The following MYOM1 variants were observed in gnomAD, a reference collection of about 807,000 sequenced individuals.
MYOM1 encodes the protein myomesin-1.
MYOM1 carries 164 observed loss-of-function variants against 205.3 expected under a neutral mutation model. That is an observed-to-expected ratio of 0.80 (90% CI 0.70 to 0.91). The LOEUF (loss-of-function observed/expected upper bound fraction) is 0.91, where lower values mean the gene tolerates loss of function less well. Ranked by LOEUF, MYOM1 falls within the 40% of genes least tolerant of loss-of-function variation. MYOM1 has a pLI of 0.00. For synonymous variants in MYOM1, 772 were observed against 789.4 expected, an observed-to-expected ratio of 0.98 and a Z score of 0.37; for missense variants, 2,011 against 2,127.3, an observed-to-expected ratio of 0.95 and a Z score of 1.08.
the MYOM1 span, chr18:3,246,922 G>A: frequency 3.3e-5 from 5 of 152,164 alleles, no homozygotes; most frequent in African/African-American, 9.7e-5. Flanking sequence ...TTTTTAATAA[G>A]ATTCATCGTT....
intron 12 of MYOM1, among the ~76,000 whole-genome samples, chr18:3,149,495 T>A (rs1194278190): frequency 6.6e-6 from 1 of 152,212 alleles, no homozygotes; most frequent in Admixed American, 6.5e-5. Context: ...CATGTAACTG[T>A]TCAATATGAA....
At chr18:3,201,652 T>C (rs1458527373) in intron 2 of MYOM1, among the ~76,000 whole-genome samples, 1 of 141,964 alleles carries the variant, frequency 7.0e-6, no homozygotes, top group Non-Finnish European at 1.5e-5. Context: ...TATTAAATTC[T>C]TTTTTTTTTT....
At chr18:3,238,849 T>G in the MYOM1 span, among the ~76,000 whole-genome samples, 1 of 151,994 alleles carries the variant, frequency 6.6e-6, no homozygotes, top group Non-Finnish European at 1.5e-5. Flanking sequence ...TCTTCCATCT[T>G]TAAGGCCAGC....
intron 13 of MYOM1, among the ~76,000 whole-genome samples, chr18:3,143,414 T>C (rs2143949559): frequency 6.6e-6 from 1 of 152,306 alleles, no homozygotes; most frequent in South Asian, 2.1e-4. Flanking sequence ...GAAATCTGGA[T>C]TTAAACAAAT....
intron 10 of MYOM1, among the ~76,000 whole-genome samples, chr18:3,163,403 A>T (rs1368298356): frequency 1.3e-5 from 2 of 152,090 alleles, no homozygotes; most frequent in Non-Finnish European, 2.9e-5. Flanking sequence ...GAAAATGGTG[A>T]CTTTTGAGTT....
intron 18 of MYOM1, among the ~76,000 whole-genome samples, chr18:3,127,768 GAC>G (rs1485092084): frequency 1.3e-5 from 2 of 152,258 alleles, no homozygotes; most frequent in African/African-American, 2.4e-5. Context: ...TTAAAAAACA[GAC>G]ACAATCTGCT....
intron 25 of MYOM1, 62 bp from the exon 26 acceptor site, chr18:3,094,368 T>A: frequency 7.4e-7 from 1 of 1,353,608 alleles, no homozygotes; most frequent in South Asian, 1.5e-5. Flanking sequence ...GGTACTCATT[T>A]TCCATCAAGT....
Position 3,139,756 on chromosome 18 carries a change from G to A in MYOM1, c.2025+2183C>T, listed in dbSNP as rs111479824. ...CCTACATAGTACTGTGTTCATAAACGTCCCCTTCTGTTCCATGCCAATAGG... is the reference window on the plus strand; with the variant it reads ...CCTACATAGTACTGTGTTCATAAACATCCCCTTCTGTTCCATGCCAATAGG... On this transcript the variant is annotated intron_variant, in intron 14 of 37. Transcript: ENST00000356443. Among the ~76,000 whole-genome samples, 1,016 of 152,218 alleles carry A rather than the reference G, an allele frequency of 6.7e-3. 7 individuals are homozygous for A. The highest frequency in any genetic ancestry group is 0.01 in the South Asian group (49 of 4,828).
At chr18:3,217,994 G>A (rs1325473579) in intron 1 of MYOM1, among the ~76,000 whole-genome samples, 1 of 152,090 alleles carries the variant, frequency 6.6e-6, no homozygotes, top group Non-Finnish European at 1.5e-5. Context: ...GCTCTATAAG[G>A]AACATGCAGG....
chr18:3,222,713 GCACATACA>G (rs764463249), upstream of MYOM1, among the ~76,000 whole-genome samples: 7 of 151,860 alleles, frequency 4.6e-5, no homozygotes, highest in Non-Finnish European at 8.8e-5. Flanking sequence ...GTGTACGTGT[GCACATACA>G]CACATACACA....
At chr18:3,132,121 TATATATATATATATGAGTTATACTCTAAA>T (rs1019769388) in intron 16 of MYOM1, among the ~76,000 whole-genome samples, 5 of 146,140 alleles carry the variant, frequency 3.4e-5, no homozygotes, top group Non-Finnish European at 7.5e-5. Flanking sequence ...TGTGTGTGTA[TATATATATATATATGAGTTATACTCTAAA>T]ATATATATAT....
upstream of MYOM1, among the ~76,000 whole-genome samples, chr18:3,224,704 G>A (rs1267261820): frequency 4.6e-5 from 7 of 151,924 alleles, no homozygotes; most frequent in South Asian, 2.1e-4. Flanking sequence ...TCACTCTGTC[G>A]CCCAGGCTGG....
chr18:3,173,367 A>G (rs2080587798), intron 8 of MYOM1, among the ~76,000 whole-genome samples: 1 of 152,130 alleles, frequency 6.6e-6, no homozygotes, highest in South Asian at 2.1e-4. Context: ...TGGCTCATGG[A>G]CCAGTGAGAG....
chr18:3,090,472 G>A (rs1250917397), intron 27 of MYOM1, among the ~76,000 whole-genome samples, 186 bp downstream of exon 27: 2 of 151,966 alleles, frequency 1.3e-5, no homozygotes, highest in South Asian at 2.1e-4. Flanking sequence ...CACCCGCCTC[G>A]GCCTCTCAAA....
intron 20 of MYOM1, among the ~76,000 whole-genome samples, chr18:3,118,287 GC>G (rs2079634641): frequency 6.6e-6 from 1 of 152,112 alleles, no homozygotes; most frequent in Admixed American, 6.6e-5. Context: ...GTGGAGGGCT[GC>G]CCCCTCCATT....
At chr18:3,079,580 T>C (rs1205030899) in intron 33 of MYOM1, among the ~76,000 whole-genome samples, 1 of 152,042 alleles carries the variant, frequency 6.6e-6, no homozygotes, top group Non-Finnish European at 1.5e-5. Context: ...CATAGCAGTC[T>C]GAGGCCCAGT....
At chr18:3,160,743 C>T (rs2144034896) in intron 10 of MYOM1, among the ~76,000 whole-genome samples, 1 of 152,280 alleles carries the variant, frequency 6.6e-6, no homozygotes, top group African/African-American at 2.4e-5. Context: ...CTTTTCAATG[C>T]TCTCACATCA....
chr18:3,135,329 A>G lies in MYOM1; in HGVS notation c.2209+218T>C. 1 of 463,604 alleles carries G rather than the reference A, an allele frequency of 2.2e-6. No individual in the cohort carries two copies. The highest frequency in any genetic ancestry group is 3.8e-6 in the Non-Finnish European group (1 of 264,884). The allele number at this position is 463,604 out of a possible 1,614,324, so 28.7% of individuals were successfully genotyped here. A position where few individuals can be genotyped will look rare whatever the true frequency, so the allele number is the denominator to read the frequency against. On this transcript the variant is annotated intron_variant, in intron 15 of 37. Transcript: ENST00000356443. This position sits in a 1 kb window ranked among gnomAD's most constrained non-coding sequence, Gnocchi z 4.1. ...ACTAAATGTCCATGAACTTCAGAAA[A>G]AACACATTATCAATATTGTTGAAAC... is the stretch of plus-strand genomic sequence containing the variant.
intron 1 of MYOM1, among the ~76,000 whole-genome samples, chr18:3,218,594 C>A (rs1174652634): frequency 6.6e-6 from 1 of 152,064 alleles, no homozygotes; most frequent in Non-Finnish European, 1.5e-5. Flanking sequence ...TTAATAACTA[C>A]TAGATGAATT....
Sources: gnomAD v4.1 joint callset for allele counts (sites outside exome capture counted in the v4.1 genomes callset) on GRCh38, gnomAD v4.1.1 for gene constraint, Gnocchi (gnomAD v3.1) non-coding constraint, MANE v1.5 for transcripts, NCBI Gene and HGNC (gene_info 2026-07-23, HGNC 2026-07-21) for gene names.